CA13: variants seen among roughly 807,000 people sequenced by gnomAD.
CA13 encodes CA-XIII.
A neutral mutation model predicts 31.5 loss-of-function variants in CA13; 21 were observed. The observed-to-expected ratio is 0.67, with a 90% CI of 0.47 to 0.96. The LOEUF (loss-of-function observed/expected upper bound fraction) is 0.96, where lower values mean the gene tolerates loss of function less well. Among genes scored for constraint, CA13 ranks in the 40% least tolerant of loss-of-function variants. The pLI, the probability that CA13 is intolerant of heterozygous loss-of-function variation, is 0.00. For missense variants in CA13, 315 were observed against 318.9 expected (o/e 0.99, Z 0.09); for synonymous variants, 117 against 111.4 (o/e 1.05, Z -0.32).
At chr8:85,254,983 G>A (rs140634437) in intron 2 of CA13, among the ~76,000 whole-genome samples, 8 of 152,072 alleles carry the variant, frequency 5.3e-5, no homozygotes, top group East Asian at 3.9e-4. Context: ...CTTGGAGGGC[G>A]TGTTTGGCTG....
intron 3 of CA13, 82 bp downstream of exon 3, chr8:85,259,621 C>T: frequency 1.8e-6 from 2 of 1,082,008 alleles, no homozygotes; most frequent in Middle Eastern, 2.0e-4. Flanking sequence ...TTACTGATTC[C>T]AAATAGATCC....
At chr8:85,252,249 C>G (rs1438751583) in intron 2 of CA13, among the ~76,000 whole-genome samples, 1 of 151,960 alleles carries the variant, frequency 6.6e-6, no homozygotes, top group Non-Finnish European at 1.5e-5. Context: ...GAGCAAGATC[C>G]TGTCTCAAAA....
intron 6 of CA13, among the ~76,000 whole-genome samples, chr8:85,275,332 G>A (rs1336365468): frequency 2.6e-5 from 4 of 152,110 alleles, no homozygotes; most frequent in Admixed American, 6.6e-5. Flanking sequence ...TACTGGAAGT[G>A]TGCAGGACTG....
chr8:85,272,144 C>T (rs1054718618), intron 6 of CA13, among the ~76,000 whole-genome samples: 1 of 152,300 alleles, frequency 6.6e-6, no homozygotes, highest in East Asian at 1.9e-4. Flanking sequence ...CCTTCTTCAC[C>T]ATAGTCCTAG....
chr8:85,249,354 G>A (rs1813786943), intron 1 of CA13, among the ~76,000 whole-genome samples: 1 of 152,098 alleles, frequency 6.6e-6, no homozygotes. Context: ...AAGTAGCTGG[G>A]TGTGGTGGTG....
At chr8:85,263,093 T>C (rs1807406815) in intron 3 of CA13, among the ~76,000 whole-genome samples, 1 of 152,024 alleles carries the variant, frequency 6.6e-6, no homozygotes, top group Admixed American at 6.6e-5. Context: ...AAGAGAAAAA[T>C]CTAGAGAGAC....
chr8:85,274,606 C>T (rs760188201), intron 6 of CA13, among the ~76,000 whole-genome samples: 10 of 152,288 alleles, frequency 6.6e-5, no homozygotes, highest in Middle Eastern at 6.8e-3. Context: ...CCTTCTTCTG[C>T]TAATAAGTAG....
chr8:85,245,597 A>C lies in CA13; in HGVS notation c.-232A>C. The C allele has an allele frequency of 1.8e-6, 1 of 565,606 alleles. No individual in the cohort carries two copies. The allele number at this position is 565,606 out of a possible 1,614,324, so 35.0% of individuals were successfully genotyped here. ...AATCTCTCATTCCCGAGTCCAAACT[A>C]AGAGAGACTCGCGCCCCAGGAGTCA... On this transcript the variant is annotated 5_prime_UTR_variant, in exon 1 of 7. Coordinates refer to ENST00000321764, the MANE Select transcript of CA13 (RefSeq NM_198584.3).
At chr8:85,275,914 C>CCTTGCAGT (rs1807595671) in intron 6 of CA13, among the ~76,000 whole-genome samples, 1 of 152,242 alleles carries the variant, frequency 6.6e-6, no homozygotes, top group African/African-American at 2.4e-5. Context: ...GTCCTCGCAG[C>CCTTGCAGT]CCTTGCTCGC....
In CA13 at chr8:85,281,503, T is replaced by A. The variant is rs551729711; in HGVS notation, c.*154T>A. The A allele has an allele frequency of 1.6e-5, 22 of 1,372,044 alleles. No homozygotes were observed. The African/African-American group carries it at 3.2e-4, about 20-fold the overall frequency. The allele number at this position is 1,372,044 out of a possible 1,614,324, so 85.0% of individuals were successfully genotyped here. On this transcript the variant is annotated 3_prime_UTR_variant, in exon 7 of 7. Coordinates refer to ENST00000321764, the MANE Select transcript of CA13 (RefSeq NM_198584.3). ...TCAGTGTCACAAAGAAAACCAGATC[T>A]CTCTCTCTTTTTTTTTTATTTTTTT...
chr8:85,268,773 G>C lies in CA13; in HGVS notation c.669+146G>C, dbSNP rs571315087. ...TCAGACGGGTCGTTGGGCTAGATGA[G>C]ACCTATGTCCCTTTCGTATTTGACC... On this transcript the variant is annotated intron_variant, in intron 6 of 6. Coordinates refer to ENST00000321764, the MANE Select transcript of CA13 (RefSeq NM_198584.3). The C allele has an allele frequency of 1.1e-4, 70 of 652,044 alleles. No homozygotes were observed. In the South Asian group the frequency reaches 1.6e-3, roughly 15 times the overall value. The allele number at this position is 652,044 out of a possible 1,614,324, so 40.4% of individuals were successfully genotyped here. A position where few individuals can be genotyped will look rare whatever the true frequency, so the allele number is the denominator to read the frequency against.
At chr8:85,274,128 C>T (rs1206558962) in intron 6 of CA13, among the ~76,000 whole-genome samples, 1 of 152,080 alleles carries the variant, frequency 6.6e-6, no homozygotes, top group Non-Finnish European at 1.5e-5. Flanking sequence ...GTTATTCACC[C>T]CCTGCCCAGC....
At chr8:85,279,188 C>T (rs1409255361) in intron 6 of CA13, among the ~76,000 whole-genome samples, 1 of 152,196 alleles carries the variant, frequency 6.6e-6, no homozygotes, top group Non-Finnish European at 1.5e-5. Flanking sequence ...CTGCTTCAGC[C>T]TCAAGGCTGA....
At chr8:85,262,335 C>A (rs973184905) in intron 3 of CA13, among the ~76,000 whole-genome samples, 1 of 152,080 alleles carries the variant, frequency 6.6e-6, no homozygotes. Context: ...GATAGGCATC[C>A]GTTTTAAGTT....
At chr8:85,275,497 C>T (rs1807588912) in intron 6 of CA13, among the ~76,000 whole-genome samples, 1 of 152,126 alleles carries the variant, frequency 6.6e-6, no homozygotes, top group African/African-American at 2.4e-5. Context: ...GATGCGTTCT[C>T]CTAGATCTAC....
intron 1 of CA13, among the ~76,000 whole-genome samples, 157 bp downstream of exon 1, chr8:85,246,022 A>AT (rs1813722361): frequency 6.6e-6 from 1 of 152,194 alleles, no homozygotes; most frequent in Admixed American, 6.5e-5. Context: ...GCCCAGTGCG[A>AT]GAAGCGGAGA....
At chr8:85,256,022 T>C (rs1807289268) in intron 2 of CA13, among the ~76,000 whole-genome samples, 1 of 149,586 alleles carries the variant, frequency 6.7e-6, no homozygotes, top group Non-Finnish European at 1.5e-5. Context: ...AATACATGTG[T>C]GTTTAAGTTA....
intron 1 of CA13, chr8:85,246,422 A>G (rs546894626): frequency 3.9e-5 from 18 of 456,044 alleles, no homozygotes; most frequent in Admixed American, 2.1e-4. Flanking sequence ...TCCCACAGCA[A>G]TTTGCAGTTG....
chr8:85,280,534 A>C (rs1807687492), intron 6 of CA13, among the ~76,000 whole-genome samples: 1 of 152,232 alleles, frequency 6.6e-6, no homozygotes, highest in Non-Finnish European at 1.5e-5. Flanking sequence ...AATTTAGAGA[A>C]TGTAGGTTCT....
Sources: gnomAD v4.1 joint callset for allele counts (sites outside exome capture counted in the v4.1 genomes callset) on GRCh38, gnomAD v4.1.1 for gene constraint, MANE v1.5 for transcripts, NCBI Gene and HGNC (gene_info 2026-07-23, HGNC 2026-07-21) for gene names.